The following RNF212B variants were observed in gnomAD, a reference collection of about 807,000 sequenced individuals.
RNF212B encodes ring finger protein 212B.
A neutral mutation model predicts 55.5 loss-of-function variants in RNF212B; 52 were observed. The observed-to-expected ratio is 0.94, with a 90% CI of 0.75 to 1.18. RNF212B has a LOEUF of 1.18. Ranked by LOEUF, RNF212B falls within the 50% of genes most tolerant of loss-of-function variation. The pLI is 0.00. For synonymous variants in RNF212B, 99 were observed against 121.4 expected (o/e 0.82, Z 1.21); for missense variants, 289 against 350.4 (o/e 0.82, Z 1.40).
intron 2 of RNF212B, among the ~76,000 whole-genome samples, chr14:23,205,388 T>A (rs1425108522): frequency 6.6e-6 from 1 of 151,962 alleles, no homozygotes; most frequent in Non-Finnish European, 1.5e-5. Flanking sequence ...ATAAAATACC[T>A]ATTATTGAAT....
At chr14:23,203,501 TGGA>T in intron 2 of RNF212B, among the ~76,000 whole-genome samples, 1 of 125,654 alleles carries the variant, frequency 8.0e-6, no homozygotes, top group South Asian at 2.4e-4. Flanking sequence ...TTTTTTGAGA[TGGA>T]GCCTTGCTCT....
intron 12 of RNF212B, 40 bp downstream of exon 12, chr14:23,269,003 A>T: frequency 6.6e-7 from 1 of 1,508,254 alleles, no homozygotes; most frequent in Non-Finnish European, 9.0e-7. Flanking sequence ...GGATGTGTTC[A>T]TACTTAAACT....
chr14:23,240,221 C>A, intron 1 of RNF212B, 124 bp from the exon 2 acceptor site: 1 of 634,946 alleles, frequency 1.6e-6, no homozygotes, highest in Non-Finnish European at 2.8e-6. Context: ...GGAATACCCA[C>A]AATGATATGC....
rs575105903 is a variant in RNF212B at position 23,232,784 on chromosome 14, T to TGGG, written c.-1-7553_-1-7551dup. On this transcript the variant is annotated intron_variant, in intron 2 of 15. Transcript: ENST00000399910. ...CCAGCCGCCCCGTCTGGGAGGGAGG[T>TGGG]GGGGGGGGGGTCAGCCTCTGCCCGG... Among the ~76,000 whole-genome samples the TGGG allele has an allele frequency of 2.6e-3, 254 of 96,454 alleles. 6 individuals are homozygous for TGGG. The highest frequency in any genetic ancestry group is 4.8e-3 in the Admixed American group (50 of 10,502). 63.3% of individuals were successfully genotyped at this position (96,454 alleles called of 152,430 possible).
intron 2 of RNF212B, among the ~76,000 whole-genome samples, chr14:23,241,624 A>G (rs1158210103): frequency 6.6e-6 from 1 of 151,706 alleles, no homozygotes; most frequent in Non-Finnish European, 1.5e-5. Context: ...GGGTTTCACC[A>G]TGTTGGCCAG....
intron 4 of RNF212B, among the ~76,000 whole-genome samples, chr14:23,251,289 A>G (rs969066272): frequency 3.9e-5 from 6 of 152,146 alleles, no homozygotes; most frequent in Admixed American, 6.5e-5. Flanking sequence ...ACTAATTCCT[A>G]GAGTTTTAGT....
At chr14:23,201,808 G>T (rs1161885641) in intron 2 of RNF212B, among the ~76,000 whole-genome samples, 2 of 152,140 alleles carry the variant, frequency 1.3e-5, no homozygotes, top group Non-Finnish European at 2.9e-5. Context: ...TGAGAGAGGG[G>T]ACTTAATTTT....
intron 4 of RNF212B, among the ~76,000 whole-genome samples, chr14:23,253,109 A>C (rs1218942265): frequency 6.6e-6 from 1 of 152,106 alleles, no homozygotes; most frequent in Non-Finnish European, 1.5e-5. Flanking sequence ...CCAAAACCAA[A>C]TATTACGTCA....
intron 2 of RNF212B, among the ~76,000 whole-genome samples, chr14:23,193,873 C>T (rs978670629): frequency 6.6e-6 from 1 of 152,068 alleles, no homozygotes; most frequent in Non-Finnish European, 1.5e-5. Context: ...TGGAGTGTCA[C>T]TCTTGTTGCC....
intron 4 of RNF212B, among the ~76,000 whole-genome samples, chr14:23,254,302 C>A (rs141186052): frequency 0.13 from 17,159 of 134,840 alleles, 1,425 homozygotes; most frequent in Non-Finnish European, 0.15. Context: ...CAAAACAAAA[C>A]AAAACAAAAC....
At chr14:23,271,625 T>C (rs1886093552) in intron 14 of RNF212B, among the ~76,000 whole-genome samples, 1 of 152,046 alleles carries the variant, frequency 6.6e-6, no homozygotes, top group Non-Finnish European at 1.5e-5. Context: ...TATTCCAAGA[T>C]GCCCTTTATT....
intron 2 of RNF212B, among the ~76,000 whole-genome samples, chr14:23,199,266 G>A (rs1879042962): frequency 6.6e-6 from 1 of 152,200 alleles, no homozygotes; most frequent in Non-Finnish European, 1.5e-5. Flanking sequence ...AAGTACATTG[G>A]TTCAGTCTGG....
At chr14:23,229,238 A>G (rs1465785036) in intron 2 of RNF212B, among the ~76,000 whole-genome samples, 1 of 71,706 alleles carries the variant, frequency 1.4e-5, no homozygotes, top group Non-Finnish European at 3.4e-5. Context: ...ATATATATAT[A>G]TATATATATA....
chr14:23,258,479 C>A, intron 4 of RNF212B, 70 bp from the exon 5 acceptor site: 3 of 674,844 alleles, frequency 4.4e-6, no homozygotes, highest in South Asian at 4.3e-5. Context: ...TGATGGCTTC[C>A]CTTTCTTGCC....
intron 14 of RNF212B, 169 bp from the exon 15 acceptor site, chr14:23,272,654 T>C (rs1886192771): frequency 4.8e-6 from 3 of 631,052 alleles, no homozygotes; most frequent in East Asian, 5.6e-5. Flanking sequence ...ACACTAGATG[T>C]AGCAAATCCT....
chr14:23,208,943 A>G (rs1369892163), intron 2 of RNF212B, among the ~76,000 whole-genome samples: 2 of 151,168 alleles, frequency 1.3e-5, no homozygotes, highest in African/African-American at 2.4e-5. Flanking sequence ...TATTTTTAGT[A>G]GAGACGGGGT....
At chr14:23,227,151 G>A (rs1882105872) in intron 2 of RNF212B, among the ~76,000 whole-genome samples, 1 of 151,844 alleles carries the variant, frequency 6.6e-6, no homozygotes, top group Non-Finnish European at 1.5e-5. Flanking sequence ...TGAGTCAAGG[G>A]TATATGGAAC....
In RNF212B at chr14:23,269,963, A is replaced by C; in HGVS notation, c.772+3A>C. The C allele has an allele frequency of 1.4e-6, 2 of 1,471,752 alleles. No individual in the cohort carries two copies. Among genetic ancestry groups the C allele is most frequent in the African/African-American group, 2.8e-5 (2 of 71,464 alleles). 91.2% of individuals were successfully genotyped at this position (1,471,752 alleles called of 1,614,324 possible). ...AGTCCTCACCCCCAACAATTTTGGT[A>C]AGTTAAATAACATTTCCAAAGGAAT... On this transcript the variant is annotated splice_donor_region_variant and intron_variant, in intron 13 of 14. Coordinates refer to ENST00000430154, the MANE Select transcript of RNF212B (RefSeq NM_001282322.3).
At chr14:23,225,852 T>C (rs1881952559) in intron 2 of RNF212B, among the ~76,000 whole-genome samples, 1 of 152,152 alleles carries the variant, frequency 6.6e-6, no homozygotes, top group Admixed American at 6.5e-5. Flanking sequence ...GGATTGTTTG[T>C]AACACAAAGG....
Sources: allele counts gnomAD v4.1 joint callset (sites outside exome capture counted in the v4.1 genomes callset), GRCh38; gene constraint gnomAD v4.1.1; transcripts MANE v1.5; gene names NCBI Gene and HGNC (gene_info 2026-07-23, HGNC 2026-07-21).